PTPRG: variants seen among roughly 807,000 people sequenced by gnomAD.
PTPRG encodes protein tyrosine phosphatase receptor type G, also known as receptor-type tyrosine-protein phosphatase gamma.
PTPRG carries 102 observed loss-of-function variants against 165.3 expected under a neutral mutation model. The ratio of observed to expected loss-of-function variants is 0.62; its 90% CI spans 0.53 to 0.73. PTPRG has a LOEUF of 0.73. PTPRG is among the 30% of genes least tolerant of loss of function. The pLI is 0.00. For synonymous variants in PTPRG, 675 were observed against 669.5 expected (o/e 1.01, Z -0.13); for missense variants, 1,866 against 1,861.4 (o/e 1.00, Z -0.05).
At chr3:61,765,315 C>G (rs968251208) in intron 2 of PTPRG, among the ~76,000 whole-genome samples, 1 of 152,148 alleles carries the variant, frequency 6.6e-6, no homozygotes, top group Non-Finnish European at 1.5e-5. Flanking sequence ...AAAAGCCTAC[C>G]TCGTAATGTC....
rs13082242 is a variant in PTPRG, at chr3:62,132,816, G to A, written c.682+148G>A. ...AGGGCATTAGAGCCATTATATGATG[G>A]GTAAAGAGCATGCCCATTTATTACC... On this transcript the variant is annotated intron_variant, in intron 6 of 29. Coordinates refer to ENST00000474889, the MANE Select transcript of PTPRG (RefSeq NM_002841.4). 43 of 747,406 alleles carry A rather than the reference G, an allele frequency of 5.8e-5. No individual in the cohort carries two copies. The South Asian group carries it at 6.6e-4, about 11-fold the overall frequency. The allele number at this position is 747,406 out of a possible 1,614,324, so 46.3% of individuals were successfully genotyped here.
At chr3:61,882,524 C>G (rs576504369) in intron 2 of PTPRG, among the ~76,000 whole-genome samples, 10 of 152,160 alleles carry the variant, frequency 6.6e-5, no homozygotes, top group African/African-American at 2.2e-4. Flanking sequence ...GTATGAGGTA[C>G]TAAGGGCTTT....
At chr3:62,238,760 T>C (rs1239004345) in intron 14 of PTPRG, among the ~76,000 whole-genome samples, 1 of 152,176 alleles carries the variant, frequency 6.6e-6, no homozygotes, top group East Asian at 1.9e-4. Context: ...ATTTGACTGA[T>C]ACTTTACTGA....
chr3:61,609,177 C>G (rs900250569), intron 1 of PTPRG, among the ~76,000 whole-genome samples: 2 of 152,182 alleles, frequency 1.3e-5, no homozygotes, highest in Non-Finnish European at 2.9e-5. Flanking sequence ...TAGGCCGTGT[C>G]CCCTTATCTG....
rs377082493 is a variant in PTPRG, at chr3:62,162,280, C to T, written c.840+5056C>T. On this transcript the variant is annotated intron_variant, in intron 7 of 29. Transcript: ENST00000474889. ...ACTTCGAGCCAACACATTTGCAATT[C>T]AAGGTTAAAATTGTTCTTGAAACAG... 2.2e-3 allele frequency among the ~76,000 whole-genome samples: 327 copies of T among 150,908 alleles called. 2 individuals carry two copies. The highest frequency in any genetic ancestry group is 6.5e-3 in the African/African-American group (269 of 41,488).
intron 5 of PTPRG, among the ~76,000 whole-genome samples, chr3:62,095,038 G>A (rs1162723664): frequency 2.2e-4 from 33 of 152,346 alleles, no homozygotes; most frequent in African/African-American, 2.4e-5. Flanking sequence ...TATAAATGAT[G>A]AAATGTCGCA....
At position 61,807,836 on chromosome 3, in the gene PTPRG, C is replaced by A. The variant is rs578058903; in HGVS notation, c.190+58854C>A. Among the ~76,000 whole-genome samples, 3 of 152,230 alleles carry A rather than the reference C, an allele frequency of 2.0e-5. No homozygotes were observed. The East Asian group carries it at 5.8e-4, about 29-fold the overall frequency. Reference sequence around the variant, plus strand: ...CTTATAAGCAAAGCCCTTCCTTTCCCTCTTGTTCCTGCAAAGCAGCTCAGA... The same window carrying A: ...CTTATAAGCAAAGCCCTTCCTTTCCATCTTGTTCCTGCAAAGCAGCTCAGA... On this transcript the variant is annotated intron_variant, in intron 2 of 29. Transcript: ENST00000474889.
chr3:61,900,370 C>T (rs2038466810), intron 2 of PTPRG, among the ~76,000 whole-genome samples: 1 of 152,134 alleles, frequency 6.6e-6, no homozygotes, highest in South Asian at 2.1e-4. Context: ...TGTTAATTCT[C>T]CCCCTCCTTC....
chr3:62,285,963 A>C (rs1317613137), intron 28 of PTPRG, among the ~76,000 whole-genome samples: 5 of 152,200 alleles, frequency 3.3e-5, no homozygotes, highest in Non-Finnish European at 7.3e-5. Context: ...TTCTGTCATG[A>C]GTGGACAATT....
intron 2 of PTPRG, among the ~76,000 whole-genome samples, chr3:61,889,210 G>A (rs951738837): frequency 4.0e-4 from 61 of 152,136 alleles, no homozygotes; most frequent in African/African-American, 1.4e-3. Context: ...CTAACTCTGT[G>A]ATTTCTATAT....
chr3:62,181,220 C>T (rs1032634687), intron 8 of PTPRG, among the ~76,000 whole-genome samples: 1 of 152,144 alleles, frequency 6.6e-6, no homozygotes, highest in Non-Finnish European at 1.5e-5. Context: ...CACCAGGGTC[C>T]CACATCGGAA....
At chr3:62,171,560 G>C (rs948058860) in intron 8 of PTPRG, among the ~76,000 whole-genome samples, 3 of 152,094 alleles carry the variant, frequency 2.0e-5, no homozygotes, top group African/African-American at 7.2e-5. Context: ...CTGCCCATTT[G>C]CAGTCAGTTA....
chr3:61,737,037 C>T (rs2032748272), intron 1 of PTPRG, among the ~76,000 whole-genome samples: 1 of 152,144 alleles, frequency 6.6e-6, no homozygotes, highest in African/African-American at 2.4e-5. Context: ...ACCAGCTCAT[C>T]AAGATTTACC....
chr3:61,778,372 C>A (rs1453529213), intron 2 of PTPRG, among the ~76,000 whole-genome samples: 1 of 152,014 alleles, frequency 6.6e-6, no homozygotes, highest in African/African-American at 2.4e-5. Context: ...ACTGAAGTTA[C>A]AAAGCTGCAC....
chr3:61,656,054 A>C (rs1215213709), intron 1 of PTPRG, among the ~76,000 whole-genome samples: 4 of 131,698 alleles, frequency 3.0e-5, no homozygotes, highest in Admixed American at 3.0e-4. Context: ...CCCCCCCCCG[A>C]CCATCTCTAA....
Position 62,240,334 on chromosome 3 carries a change from C to G in PTPRG, c.2376-3473C>G, listed in dbSNP as rs899325749. ...TGGATGACAGAGCGAGACTCCATCTCAAAATAAAATAAAATACATACTCCC... is the reference window on the plus strand; with the variant it reads ...TGGATGACAGAGCGAGACTCCATCTGAAAATAAAATAAAATACATACTCCC... On this transcript the variant is annotated intron_variant, in intron 14 of 29. Transcript: ENST00000474889. The surrounding 1 kb of genome is among the most constrained non-coding windows in gnomAD (Gnocchi z 5.1). Among the ~76,000 whole-genome samples the G allele has an allele frequency of 6.6e-6, 1 of 151,636 alleles. No individual in the cohort carries two copies. The highest frequency in any genetic ancestry group is 2.4e-5 in the African/African-American group (1 of 41,222).
chr3:61,579,358 TCTC>T (rs1465866773), intron 1 of PTPRG, among the ~76,000 whole-genome samples: 5 of 152,118 alleles, frequency 3.3e-5, no homozygotes, highest in East Asian at 3.9e-4. Context: ...GGGAAGAACA[TCTC>T]CTTCACCAGG....
At chr3:61,760,996 A>G (rs759935440) in intron 2 of PTPRG, among the ~76,000 whole-genome samples, 5 of 152,204 alleles carry the variant, frequency 3.3e-5, no homozygotes, top group East Asian at 1.9e-4. Flanking sequence ...TCTTTAGTCT[A>G]TCATTGATAG....
chr3:61,568,936 T>C (rs962709557), intron 1 of PTPRG, among the ~76,000 whole-genome samples: 50 of 151,392 alleles, frequency 3.3e-4, no homozygotes, highest in Admixed American at 7.2e-4. Context: ...TCGTTTTAAG[T>C]GCTTCCAGGG....
Sources: gnomAD v4.1 joint callset for allele counts (sites outside exome capture counted in the v4.1 genomes callset) on GRCh38, gnomAD v4.1.1 for gene constraint, Gnocchi (gnomAD v3.1) non-coding constraint, MANE v1.5 for transcripts, NCBI Gene and HGNC (gene_info 2026-07-23, HGNC 2026-07-21) for gene names.